MAML2: variants seen among roughly 807,000 people sequenced by gnomAD.
MAML2 encodes mastermind like transcriptional coactivator 2.
A neutral mutation model predicts 96.1 loss-of-function variants in MAML2; 22 were observed. That is an observed-to-expected ratio of 0.23 (90% CI 0.16 to 0.33). MAML2 has a LOEUF of 0.33. MAML2 is among the 10% of genes least tolerant of loss of function. The pLI is 1.00. For synonymous variants in MAML2, 561 were observed against 521.3 expected, an observed-to-expected ratio of 1.08 and a Z score of -1.04; for missense variants, 1,367 against 1,392.4, an observed-to-expected ratio of 0.98 and a Z score of 0.29.
rs145215661 is a variant in MAML2 at position 96,098,912 on chromosome 11, G to T, written c.514-5395C>A. Among the ~76,000 whole-genome samples, 859 of 152,300 alleles carry T rather than the reference G, an allele frequency of 5.6e-3. 6 individuals are homozygous for T. The highest frequency in any genetic ancestry group is 0.017 in the Middle Eastern group (5 of 294). The stretch of plus-strand genomic sequence containing the variant: ...AAACATAAACTTTCTGGAGGGATTT[G>T]AAAATGCCATTATTGCACAATCCTC... On this transcript the variant is annotated intron_variant, in intron 1 of 4. Coordinates refer to ENST00000524717, the MANE Select transcript of MAML2 (RefSeq NM_032427.4).
chr11:96,306,021 T>C (rs1243720517), intron 1 of MAML2, among the ~76,000 whole-genome samples: 1 of 152,176 alleles, frequency 6.6e-6, no homozygotes, highest in Non-Finnish European at 1.5e-5. Context: ...CTTCTTGTTA[T>C]GCTGCAAGAC....
At chr11:95,983,686 T>C (rs974752124) in intron 4 of MAML2, among the ~76,000 whole-genome samples, 7 of 152,040 alleles carry the variant, frequency 4.6e-5, no homozygotes, top group Admixed American at 2.0e-4. Context: ...TGAACAATTA[T>C]ATGTCAATTA....
intron 2 of MAML2, among the ~76,000 whole-genome samples, chr11:96,000,648 T>C (rs1488283079): frequency 6.6e-6 from 1 of 152,234 alleles, no homozygotes; most frequent in Non-Finnish European, 1.5e-5. Flanking sequence ...TCTGTTTACA[T>C]TAGCCTTCCA....
intron 1 of MAML2, among the ~76,000 whole-genome samples, chr11:96,196,791 A>G (rs1001254302): frequency 1.3e-5 from 2 of 151,830 alleles, no homozygotes; most frequent in African/African-American, 4.8e-5. Context: ...CTTAGAATTC[A>G]TAGTCTTTTC....
intron 1 of MAML2, among the ~76,000 whole-genome samples, chr11:96,315,845 A>G (rs1258504837): frequency 1.3e-5 from 2 of 152,208 alleles, no homozygotes; most frequent in Non-Finnish European, 2.9e-5. Context: ...TTGACTACAC[A>G]AGCTTCAGTT....
At position 96,141,993 on chromosome 11, in the gene MAML2, A is replaced by T. The variant is rs756408031; in HGVS notation, c.514-48476T>A. On this transcript the variant is annotated intron_variant, in intron 1 of 4. Coordinates refer to ENST00000524717, the MANE Select transcript of MAML2 (RefSeq NM_032427.4). ...AGCCTGAGAAGATATTCATTTAATT[A>T]ACATTTACCAACGTATAGCATGCAG... Among the ~76,000 whole-genome samples, 3 of 152,262 alleles carry T rather than the reference A, an allele frequency of 2.0e-5. No individual in the cohort carries two copies. The South Asian group carries it at 6.2e-4, about 31-fold the overall frequency.
intron 1 of MAML2, among the ~76,000 whole-genome samples, chr11:96,119,631 C>A (rs1232667166): frequency 6.6e-6 from 1 of 152,202 alleles, no homozygotes; most frequent in Admixed American, 6.5e-5. Context: ...TGCTGAAATT[C>A]TCACATAACC....
intron 1 of MAML2, among the ~76,000 whole-genome samples, chr11:96,111,790 A>C (rs1860128439): frequency 1.3e-5 from 2 of 152,258 alleles, no homozygotes; most frequent in African/African-American, 2.4e-5. Flanking sequence ...CAGAGCCCAC[A>C]GCTGGCTATG....
At chr11:96,276,048 C>T (rs1862984117) in intron 1 of MAML2, among the ~76,000 whole-genome samples, 1 of 152,118 alleles carries the variant, frequency 6.6e-6, no homozygotes, top group South Asian at 2.1e-4. Flanking sequence ...ATCAGTTTTC[C>T]CTCACATGCT....
chr11:96,103,802 C>T (rs1025435377), intron 1 of MAML2, among the ~76,000 whole-genome samples: 1 of 152,164 alleles, frequency 6.6e-6, no homozygotes, highest in African/African-American at 2.4e-5. Context: ...TCTCTCTGCC[C>T]CACTGTGTTC....
At chr11:96,226,620 T>A (rs1862213162) in intron 1 of MAML2, among the ~76,000 whole-genome samples, 1 of 152,204 alleles carries the variant, frequency 6.6e-6, no homozygotes, top group Non-Finnish European at 1.5e-5. Flanking sequence ...AATGTTTCAC[T>A]TAGCAAAAAT....
chr11:96,244,740 C>T (rs574574645), intron 1 of MAML2, among the ~76,000 whole-genome samples: 1 of 152,138 alleles, frequency 6.6e-6, no homozygotes, highest in Non-Finnish European at 1.5e-5. Flanking sequence ...AAAGCTGTGA[C>T]TTGAACCCAG....
At chr11:96,154,438 T>C (rs186117708) in intron 1 of MAML2, among the ~76,000 whole-genome samples, 8 of 152,344 alleles carry the variant, frequency 5.3e-5, no homozygotes, top group African/African-American at 1.7e-4. Context: ...ATTTGAGAAA[T>C]AGAATCAGTT....
At chr11:96,150,423 T>A (rs545388) in intron 1 of MAML2, among the ~76,000 whole-genome samples, 136,877 of 152,128 alleles carry the variant, frequency 0.9, 61,726 homozygotes, top group African/African-American at 0.95. Context: ...TTCTGGGAAG[T>A]AGTGACACTT....
intron 1 of MAML2, among the ~76,000 whole-genome samples, chr11:96,230,667 T>C (rs1862280822): frequency 6.6e-6 from 1 of 152,226 alleles, no homozygotes; most frequent in African/African-American, 2.4e-5. Context: ...TCAGATTATG[T>C]TGATTCTTTT....
intron 1 of MAML2, among the ~76,000 whole-genome samples, chr11:96,284,196 T>C (rs1863108831): frequency 6.6e-6 from 1 of 152,202 alleles, no homozygotes; most frequent in African/African-American, 2.4e-5. Flanking sequence ...TTTCAATTTG[T>C]CTGTTTAGCA....
intron 2 of MAML2, among the ~76,000 whole-genome samples, chr11:96,042,671 A>G (rs553962802): frequency 2.7e-5 from 4 of 149,180 alleles, no homozygotes; most frequent in African/African-American, 9.9e-5. Flanking sequence ...CATCTTCCTT[A>G]TTTACCTAAT....
chr11:95,984,008 C>A (rs1591076736), intron 4 of MAML2, among the ~76,000 whole-genome samples: 1 of 152,158 alleles, frequency 6.6e-6, no homozygotes, highest in Non-Finnish European at 1.5e-5. Context: ...CTCACTGACA[C>A]CCAGTGCAAC....
At chr11:96,231,741 C>A (rs1468961785) in intron 1 of MAML2, among the ~76,000 whole-genome samples, 1 of 152,198 alleles carries the variant, frequency 6.6e-6, no homozygotes, top group African/African-American at 2.4e-5. Flanking sequence ...GGACAGTAAG[C>A]AGTCAAGGAA....
Sources: allele counts gnomAD v4.1 joint callset (sites outside exome capture counted in the v4.1 genomes callset), GRCh38; gene constraint gnomAD v4.1.1; transcripts MANE v1.5; gene names NCBI Gene and HGNC (gene_info 2026-07-23, HGNC 2026-07-21).